CDK17: variants seen among roughly 807,000 people sequenced by gnomAD.
CDK17 encodes cyclin dependent kinase 17, also known as cyclin-dependent kinase 17.
Under a neutral mutation model 77.6 loss-of-function variants are expected in CDK17, and 24 were observed. That is an observed-to-expected ratio of 0.31 (90% CI 0.22 to 0.44). The LOEUF (loss-of-function observed/expected upper bound fraction) is 0.44. CDK17 is among the 20% of genes least tolerant of loss of function. The pLI is 1.00. For synonymous variants in CDK17, 203 were observed against 210.4 expected (o/e 0.96, Z 0.30); for missense variants, 429 against 622.5 (o/e 0.69, Z 3.31).
intron 16 of CDK17, 35 bp downstream of exon 16, chr12:96,280,773 T>C: frequency 6.2e-7 from 1 of 1,604,366 alleles, no homozygotes; most frequent in Non-Finnish European, 8.5e-7. Flanking sequence ...CAAAAATTCA[T>C]GATCGACACG....
intron 1 of CDK17, among the ~76,000 whole-genome samples, chr12:96,378,316 T>C (rs1953821401): frequency 6.6e-6 from 1 of 152,266 alleles, no homozygotes; most frequent in African/African-American, 2.4e-5. Context: ...ATTACTTTTT[T>C]GTTGCTCAAA....
At chr12:96,375,885 T>C (rs1953773288) in intron 1 of CDK17, among the ~76,000 whole-genome samples, 1 of 152,164 alleles carries the variant, frequency 6.6e-6, no homozygotes, top group Non-Finnish European at 1.5e-5. Flanking sequence ...TGGGCATGTC[T>C]GACACCTAAT....
intron 1 of CDK17, among the ~76,000 whole-genome samples, chr12:96,362,545 G>T (rs1013983749): frequency 7.2e-5 from 11 of 152,128 alleles, no homozygotes; most frequent in African/African-American, 2.4e-4. Context: ...TAAAATCTTG[G>T]TTTTGAAAAT....
intron 1 of CDK17, among the ~76,000 whole-genome samples, chr12:96,350,671 C>A (rs1352465813): frequency 1.3e-5 from 2 of 151,960 alleles, no homozygotes; most frequent in Admixed American, 1.3e-4. Context: ...TGTTTTCATG[C>A]AAAAGAGTGA....
At chr12:96,338,353 T>C (rs1220076454) in intron 1 of CDK17, among the ~76,000 whole-genome samples, 3 of 152,188 alleles carry the variant, frequency 2.0e-5, no homozygotes, top group Non-Finnish European at 4.4e-5. Flanking sequence ...CCATAACAAA[T>C]CATAACCATG....
At chr12:96,394,880 T>TG (rs1954142917) in intron 1 of CDK17, among the ~76,000 whole-genome samples, 1 of 27,836 alleles carries the variant, frequency 3.6e-5, no homozygotes, top group Non-Finnish European at 7.0e-5. Flanking sequence ...AAAAAATCTA[T>TG]AATTTTTTTC....
At chr12:96,339,757 CTG>C (rs1388305165) in intron 1 of CDK17, among the ~76,000 whole-genome samples, 1 of 151,932 alleles carries the variant, frequency 6.6e-6, no homozygotes, top group Non-Finnish European at 1.5e-5. Context: ...TGGCAAAACT[CTG>C]TCTCTACTAA....
At chr12:96,316,837 T>C (rs1952734373) in intron 3 of CDK17, among the ~76,000 whole-genome samples, 2 of 141,470 alleles carry the variant, frequency 1.4e-5, no homozygotes, top group African/African-American at 2.6e-5. Flanking sequence ...CAAAAGTAGA[T>C]AAAACCACAA....
At position 96,334,519 on chromosome 12, in the gene CDK17, C is replaced by T. The variant is rs991048516; in HGVS notation, c.118+200G>A. 9.2e-5 allele frequency among the ~76,000 whole-genome samples: 14 copies of T among 152,114 alleles called. 1 individual carries two copies. Among genetic ancestry groups the T allele is most frequent in the Admixed American group, 2.6e-4 (4 of 15,274 alleles). On this transcript the variant is annotated intron_variant, in intron 2 of 16. Coordinates refer to ENST00000261211, the MANE Select transcript of CDK17 (RefSeq NM_002595.5). ...TTCATCAGGGTTTGAGACCAGGTATCGTAATGTTGGAGTGAGAGGGAAATA... is the reference window on the plus strand; with the variant it reads ...TTCATCAGGGTTTGAGACCAGGTATTGTAATGTTGGAGTGAGAGGGAAATA...
chr12:96,352,037 GGGCT>G (rs1953319535), intron 1 of CDK17, among the ~76,000 whole-genome samples: 1 of 152,146 alleles, frequency 6.6e-6, no homozygotes, highest in African/African-American at 2.4e-5. Context: ...AAAGAAAACA[GGGCT>G]GGGATCATGG....
At chr12:96,398,768 C>T (rs1241066080) in intron 1 of CDK17, among the ~76,000 whole-genome samples, 1 of 152,152 alleles carries the variant, frequency 6.6e-6, no homozygotes, top group African/African-American at 2.4e-5. Context: ...AGTCTCAAAA[C>T]AAAATTTGCC....
At chr12:96,353,543 G>C (rs924136640) in intron 1 of CDK17, among the ~76,000 whole-genome samples, 4 of 146,638 alleles carry the variant, frequency 2.7e-5, no homozygotes, top group African/African-American at 7.5e-5. Context: ...TAAGGAGCCA[G>C]AAGTTTTACA....
At chr12:96,367,240 C>T (rs925615211) in intron 1 of CDK17, among the ~76,000 whole-genome samples, 2 of 146,366 alleles carry the variant, frequency 1.4e-5, no homozygotes, top group Non-Finnish European at 3.0e-5. Flanking sequence ...AGCTACTCGG[C>T]AGGCTGAGGC....
chr12:96,299,140 TTACAG>T (rs1283490524), intron 6 of CDK17, among the ~76,000 whole-genome samples, 157 bp from the exon 7 acceptor site: 9 of 152,238 alleles, frequency 5.9e-5, no homozygotes, highest in Non-Finnish European at 8.8e-5. Context: ...ATGGCTTTTC[TTACAG>T]TAAACAGGAC....
At chr12:96,377,046 A>G (rs1016471299) in intron 1 of CDK17, among the ~76,000 whole-genome samples, 3 of 152,220 alleles carry the variant, frequency 2.0e-5, no homozygotes, top group Admixed American at 6.5e-5. Context: ...TTCTTTTACT[A>G]TAAGTCATCT....
chr12:96,377,993 C>T (rs1037774896), intron 1 of CDK17, among the ~76,000 whole-genome samples: 2 of 152,114 alleles, frequency 1.3e-5, no homozygotes, highest in Non-Finnish European at 2.9e-5. Flanking sequence ...GCGCCCGGCC[C>T]AGAAGCAGTT....
At chr12:96,297,581 T>C in intron 8 of CDK17, 46 bp downstream of exon 8, 1 of 1,234,892 alleles carries the variant, frequency 8.1e-7, no homozygotes, top group Non-Finnish European at 1.2e-6. Context: ...ATTTACTATG[T>C]TTTTCTAAAG....
intron 1 of CDK17, among the ~76,000 whole-genome samples, chr12:96,376,979 A>G (rs560051637): frequency 6.6e-6 from 1 of 152,330 alleles, no homozygotes; most frequent in East Asian, 1.9e-4. Flanking sequence ...TACTATAATA[A>G]TCATGATCAG....
chr12:96,309,143 C>T (rs114069535), intron 5 of CDK17, among the ~76,000 whole-genome samples: 25 of 152,250 alleles, frequency 1.6e-4, no homozygotes, highest in African/African-American at 5.5e-4. Flanking sequence ...CTGTCCTGTC[C>T]GTTCAAGCCA....
Sources: gnomAD v4.1 joint callset for allele counts (sites outside exome capture counted in the v4.1 genomes callset) on GRCh38, gnomAD v4.1.1 for gene constraint, MANE v1.5 for transcripts, NCBI Gene and HGNC (gene_info 2026-07-23, HGNC 2026-07-21) for gene names.